The following ZFHX3 variants were observed in gnomAD, a reference collection of about 807,000 sequenced individuals.
ZFHX3 encodes the protein zinc finger homeobox 3.
Under a neutral mutation model 279.1 loss-of-function variants are expected in ZFHX3, and 42 were observed. That is an observed-to-expected ratio of 0.15 (90% CI 0.12 to 0.19). ZFHX3 has a LOEUF of 0.19. Among genes scored for constraint, ZFHX3 ranks in the 10% least tolerant of loss-of-function variants. The pLI is 1.00. For synonymous variants in ZFHX3, 2,293 were observed against 1,957.8 expected (o/e 1.17, Z -4.52); for missense variants, 4,981 against 4,754.0 (o/e 1.05, Z -1.40).
At chr16:73,469,385 G>C (rs2018624418) in intron 2 of ZFHX3, among the ~76,000 whole-genome samples, 2 of 152,100 alleles carry the variant, frequency 1.3e-5, no homozygotes, top group South Asian at 4.1e-4. Context: ...GGTGCGGTGG[G>C]GAGAGGGGAA....
chr16:73,295,745 G>A (rs2014893372), intron 4 of ZFHX3, among the ~76,000 whole-genome samples: 1 of 152,206 alleles, frequency 6.6e-6, no homozygotes, highest in African/African-American at 2.4e-5. Flanking sequence ...AGAAGGCAGT[G>A]GCTGCCCTTT....
chr16:73,131,103 TG>T (rs1465779875), intron 6 of ZFHX3: 6 of 675,268 alleles, frequency 8.9e-6, no homozygotes, highest in Non-Finnish European at 1.4e-5. Context: ...ATCTGTAAAG[TG>T]GGAGTAATAA....
chr16:72,921,335 T>C (rs1256007460), intron 3 of ZFHX3, among the ~76,000 whole-genome samples: 1 of 152,236 alleles, frequency 6.6e-6, no homozygotes, highest in African/African-American at 2.4e-5. Flanking sequence ...GGTTACTTCC[T>C]TCCTAGACCC....
chr16:73,321,828 A>G (rs2015580402), intron 3 of ZFHX3, among the ~76,000 whole-genome samples: 2 of 149,732 alleles, frequency 1.3e-5, no homozygotes, highest in Non-Finnish European at 3.0e-5. Flanking sequence ...AAGCATGGTA[A>G]ATTGTATGTA....
At chr16:73,151,823 G>T (rs144903549) in intron 5 of ZFHX3, among the ~76,000 whole-genome samples, 47 of 143,178 alleles carry the variant, frequency 3.3e-4, no homozygotes, top group African/African-American at 1.2e-3. Context: ...GCTACACAAA[G>T]AAAAGTGAAC....
At chr16:73,418,859 T>C (rs2017654755) in intron 3 of ZFHX3, among the ~76,000 whole-genome samples, 2 of 152,218 alleles carry the variant, frequency 1.3e-5, no homozygotes, top group African/African-American at 4.8e-5. Context: ...ATGGATACTT[T>C]TTCACGTCCT....
At position 72,794,765 on chromosome 16, in the gene ZFHX3, C is replaced by T. The variant is rs1567514576; in HGVS notation, c.7917G>A (p.Gln2639=). The T allele has an allele frequency of 3.7e-6, 6 of 1,614,118 alleles. No homozygotes were observed. The highest frequency in any genetic ancestry group is 5.1e-6 in the Non-Finnish European group (6 of 1,180,052). ...NDSGTGGEEP[Q]RDKRLRTTIT... The stretch of plus-strand genomic sequence containing the variant: ...TGGTTGTTCTCAAACGCTTGTCTCT[C>T]TGAGGCTCTTCTCCTCCTGTCCCAC... Residue 2639 remains glutamine, a synonymous_variant, in exon 9 of 10, where the codon CAG becomes CAA. Coordinates refer to ENST00000268489, the MANE Select transcript of ZFHX3 (RefSeq NM_006885.4). The surrounding 1 kb of genome is among the most constrained non-coding windows in gnomAD (Gnocchi z 4.2).
intron 1 of ZFHX3, among the ~76,000 whole-genome samples, chr16:73,798,834 G>C (rs1485919444): frequency 2.0e-5 from 3 of 152,188 alleles, no homozygotes; most frequent in Non-Finnish European, 4.4e-5. Context: ...CGTGTTTGGA[G>C]GGGGATGAGC....
chr16:73,172,265 C>T (rs999696479), intron 5 of ZFHX3, among the ~76,000 whole-genome samples: 3 of 152,234 alleles, frequency 2.0e-5, no homozygotes, highest in Non-Finnish European at 4.4e-5. Flanking sequence ...TCTCTGCCAT[C>T]CACGTGTAAT....
intron 2 of ZFHX3, among the ~76,000 whole-genome samples, chr16:73,617,538 T>C (rs1004829187): frequency 1.4e-4 from 21 of 152,236 alleles, no homozygotes; most frequent in Non-Finnish European, 2.9e-5. Flanking sequence ...AGCAGTAAGA[T>C]ACATTTCTAC....
In ZFHX3 at chr16:73,339,193, C is replaced by CTTCCAAAGAGGCTCTGAATGTAGAGCTT. The variant is rs1331289794; in HGVS notation, c.-1290-20885_-1290-20858dup. ...CAGAATCTGATTTTAAGTCTCATCTCTTCCAAAGAGGCTCTGAATGTAGAG... is the reference window on the plus strand; with the variant it reads ...CAGAATCTGATTTTAAGTCTCATCTCTTCCAAAGAGGCTCTGAATGTAGAGCTTTTCCAAAGAGGCTCTGAATGTAGAG... On this transcript the variant is annotated intron_variant, in intron 3 of 17. Coordinates refer to the ZFHX3 transcript ENST00000641206. 1.6e-4 allele frequency among the ~76,000 whole-genome samples: 24 copies of CTTCCAAAGAGGCTCTGAATGTAGAGCTT among 152,346 alleles called. No homozygotes were observed. The East Asian group carries it at 4.1e-3, about 26-fold the overall frequency.
At chr16:73,777,320 G>A (rs1424966054) in intron 1 of ZFHX3, among the ~76,000 whole-genome samples, 1 of 151,910 alleles carries the variant, frequency 6.6e-6, no homozygotes, top group Non-Finnish European at 1.5e-5. Flanking sequence ...CAGCTAATAT[G>A]GTGAAACCCC....
intron 1 of ZFHX3, among the ~76,000 whole-genome samples, chr16:73,784,250 G>C (rs1300313485): frequency 1.3e-5 from 2 of 152,050 alleles, no homozygotes; most frequent in Non-Finnish European, 2.9e-5. Context: ...GAATAAAAGA[G>C]ATAACATCTC....
At chr16:73,159,587 C>T (rs536380377) in intron 5 of ZFHX3, among the ~76,000 whole-genome samples, 1 of 152,258 alleles carries the variant, frequency 6.6e-6, no homozygotes, top group South Asian at 2.1e-4. Context: ...TCTTGTTTAT[C>T]CATCTCGGTC....
intron 4 of ZFHX3, among the ~76,000 whole-genome samples, chr16:72,879,709 G>T (rs556460928): frequency 6.6e-6 from 1 of 152,216 alleles, no homozygotes; most frequent in African/African-American, 2.4e-5. Context: ...ACAGGTGTGA[G>T]CCACCATGCC....
intron 2 of ZFHX3, among the ~76,000 whole-genome samples, chr16:73,464,926 ATGG>A (rs1487992096): frequency 3.9e-5 from 6 of 152,190 alleles, no homozygotes; most frequent in African/African-American, 1.4e-4. Flanking sequence ...GCCTGGACAC[ATGG>A]TGGTGACATC....
rs778393213 is a variant in ZFHX3 at position 73,484,472 on chromosome 16, G to A, written c.-1546-28214C>T. On this transcript the variant is annotated intron_variant, in intron 2 of 17. Transcript: ENST00000641206. ...CTAATTCCATGTCCCTGGGAGCTGG[G>A]TGCCTGGTGACCAGATGGGCCACCG... Among the ~76,000 whole-genome samples, 9 of 152,278 alleles carry A rather than the reference G, an allele frequency of 5.9e-5. No individual in the cohort carries two copies. The South Asian group carries it at 1.4e-3, about 25-fold the overall frequency.
At chr16:72,853,169 A>C (rs184269570) in intron 4 of ZFHX3, among the ~76,000 whole-genome samples, 386 of 152,346 alleles carry the variant, frequency 2.5e-3, no homozygotes, top group Non-Finnish European at 4.1e-3. Context: ...GACACCTTCA[A>C]TACTATGAAT....
chr16:73,289,761 G>C (rs918090365), intron 4 of ZFHX3, among the ~76,000 whole-genome samples: 3 of 152,102 alleles, frequency 2.0e-5, no homozygotes, highest in African/African-American at 7.2e-5. Context: ...TGAGCCCCCA[G>C]GGGAGCAGGA....
Sources: gnomAD v4.1 joint callset for allele counts (sites outside exome capture counted in the v4.1 genomes callset) on GRCh38, gnomAD v4.1.1 for gene constraint, Gnocchi (gnomAD v3.1) non-coding constraint, MANE v1.5 for transcripts, NCBI Gene and HGNC (gene_info 2026-07-23, HGNC 2026-07-21) for gene names.